ZSWIM3: variants seen among roughly 807,000 people sequenced by gnomAD.
ZSWIM3 encodes the protein zinc finger SWIM-type containing 3, also known as zinc finger SWIM domain-containing protein 3.
A neutral mutation model predicts 47.5 loss-of-function variants in ZSWIM3; 27 were observed. The ratio of observed to expected loss-of-function variants is 0.57; its 90% CI spans 0.42 to 0.78. ZSWIM3 has a LOEUF of 0.78. Ranked by LOEUF, ZSWIM3 falls within the 30% of genes least tolerant of loss-of-function variation. The pLI is 0.00. For synonymous variants in ZSWIM3, 333 were observed against 333.9 expected (o/e 1.00, Z 0.03); for missense variants, 689 against 861.3 (o/e 0.80, Z 2.50).
intron 1 of ZSWIM3, among the ~76,000 whole-genome samples, chr20:45,874,310 G>A (rs1308438214): frequency 1.3e-5 from 2 of 152,142 alleles, no homozygotes; most frequent in Non-Finnish European, 2.9e-5. Flanking sequence ...TCAGGGGTTC[G>A]AGACCAGCCT....
At position 45,861,426 on chromosome 20, in the gene ZSWIM3, TAA is replaced by T. The variant is rs11475720; in HGVS notation, c.155+3461_155+3462del. 8.6e-3 allele frequency among the ~76,000 whole-genome samples: 1,157 copies of T among 134,668 alleles called. 4 individuals are homozygous for T. Among genetic ancestry groups the T allele is most frequent in the African/African-American group, 0.023 (802 of 35,146 alleles). 88.3% of individuals were successfully genotyped at this position (134,668 alleles called of 152,430 possible). A position where few individuals can be genotyped will look rare whatever the true frequency, so the allele number is the denominator to read the frequency against. On this transcript the variant is annotated intron_variant, in intron 1 of 1. Coordinates refer to ENST00000255152, the MANE Select transcript of ZSWIM3 (RefSeq NM_080752.4). The stretch of plus-strand genomic sequence containing the variant: ...CAACAACAGAGTAAGATCCTGTCTC[TAA>T]AAAAAAAAAAAAAAGCAAGCAGTGA...
intron 1 of ZSWIM3, among the ~76,000 whole-genome samples, chr20:45,860,534 AAG>A (rs1245532503): frequency 1.5e-5 from 2 of 133,708 alleles, no homozygotes; most frequent in African/African-American, 2.5e-5. Flanking sequence ...AAAAAAAAAA[AAG>A]AATCCTTTTC....
intron 1 of ZSWIM3, among the ~76,000 whole-genome samples, chr20:45,876,146 G>A (rs1303723802): frequency 2.0e-5 from 3 of 151,318 alleles, no homozygotes; most frequent in Admixed American, 6.6e-5. Flanking sequence ...GGGTTCAAGC[G>A]ATTCTCCTGC....
At chr20:45,864,676 G>A (rs139905528) in intron 1 of ZSWIM3, among the ~76,000 whole-genome samples, 2,124 of 149,750 alleles carry the variant, frequency 0.014, 38 homozygotes, top group African/African-American at 0.049. Context: ...CAGCCTGCCC[G>A]ACATGGTGAA....
At chr20:45,867,154 C>A (rs564101411) in intron 1 of ZSWIM3, among the ~76,000 whole-genome samples, 191 of 151,902 alleles carry the variant, frequency 1.3e-3, no homozygotes, top group Middle Eastern at 6.8e-3. Flanking sequence ...TTACAGGTGC[C>A]CGTCACCACG....
intron 1 of ZSWIM3, among the ~76,000 whole-genome samples, chr20:45,865,761 G>C (rs910560133): frequency 8.5e-5 from 13 of 152,064 alleles, no homozygotes; most frequent in Middle Eastern, 3.4e-3. Flanking sequence ...ACTTTGAGAG[G>C]CCGAGGCGGG....
chr20:45,859,423 GAAAAAAA>G (rs74176827), intron 1 of ZSWIM3, among the ~76,000 whole-genome samples: 6 of 56,698 alleles, frequency 1.1e-4, no homozygotes, highest in African/African-American at 2.8e-4. Context: ...AAGGAATGTG[GAAAAAAA>G]AAAAAAAAAA....
chr20:45,857,892 G>A lies in ZSWIM3; in HGVS notation c.67G>A (p.Glu23Lys). ...GGAGTGCTTCAGCGCCTACAAAAGG[G>A]AGAACAGGTGCTCCTTCATTCTCAG... ...FKECFSAYKR[E>K]NRCSFILRDC... The change falls in exon 1 of 2, where the codon GAG becomes AAG. Residue 23 changes from glutamate (E) to lysine (K), a missense_variant. By Grantham distance (56) the Glu-to-Lys change is moderately conservative. Coordinates refer to ENST00000255152, the MANE Select transcript of ZSWIM3 (RefSeq NM_080752.4). 6.2e-7 allele frequency: 1 copy of A among 1,612,760 alleles called. No individual in the cohort carries two copies. Among genetic ancestry groups the A allele is most frequent in the Non-Finnish European group, 8.5e-7 (1 of 1,179,652 alleles).
chr20:45,865,167 A>G (rs1483190455), intron 1 of ZSWIM3, among the ~76,000 whole-genome samples: 3 of 152,032 alleles, frequency 2.0e-5, no homozygotes, highest in African/African-American at 7.2e-5. Flanking sequence ...AAAAATACAA[A>G]GAATAGCTGG....
intron 1 of ZSWIM3, among the ~76,000 whole-genome samples, chr20:45,864,074 C>G (rs1438446607): frequency 6.6e-6 from 1 of 152,198 alleles, no homozygotes; most frequent in Non-Finnish European, 1.5e-5. Flanking sequence ...TACTTAGCCA[C>G]TGGGCTCTAA....
In ZSWIM3 at chr20:45,878,280, G is replaced by T. The variant is rs373046431; in HGVS notation, c.1722G>T (p.Pro574=). The stretch of plus-strand genomic sequence containing the variant: ...CTCTGCTGCACACCAGCCAGCAGCC[G>T]GTTGGTGAAGCCATGGTGTGCCGCC... ...ILALLHTSQQ[P]VGEAMVCRRW... Residue 574 remains proline, a synonymous_variant, in exon 2 of 2, where the codon CCG becomes CCT. Transcript: ENST00000255152. The T allele has an allele frequency of 1.2e-5, 19 of 1,614,090 alleles. No individual in the cohort carries two copies. In the Admixed American group the frequency reaches 3.2e-4, roughly 27 times the overall value.
At chr20:45,875,225 G>C (rs1986064004) in intron 1 of ZSWIM3, among the ~76,000 whole-genome samples, 1 of 151,196 alleles carries the variant, frequency 6.6e-6, no homozygotes, top group South Asian at 2.1e-4. Flanking sequence ...TGTATTTTTA[G>C]TAGAGACGGG....
intron 1 of ZSWIM3, among the ~76,000 whole-genome samples, chr20:45,866,015 GA>G (rs919086513): frequency 2.2e-4 from 30 of 137,954 alleles, no homozygotes; most frequent in Admixed American, 1.2e-3. Flanking sequence ...AAAAGAAAAA[GA>G]AAAAAAAAAT....
intron 1 of ZSWIM3, chr20:45,872,662 T>C: frequency 8.1e-7 from 1 of 1,239,304 alleles, no homozygotes; most frequent in Non-Finnish European, 1.0e-6. Flanking sequence ...AGGCATTTTG[T>C]CTTTCTAGGA....
At chr20:45,864,415 G>C (rs1985785203) in intron 1 of ZSWIM3, among the ~76,000 whole-genome samples, 1 of 152,148 alleles carries the variant, frequency 6.6e-6, no homozygotes, top group African/African-American at 2.4e-5. Flanking sequence ...TGGAGGGTTG[G>C]TGGGGGAAAT....
chr20:45,866,662 C>T (rs1453359755), intron 1 of ZSWIM3, among the ~76,000 whole-genome samples: 1 of 151,804 alleles, frequency 6.6e-6, no homozygotes, highest in Non-Finnish European at 1.5e-5. Flanking sequence ...ATTAACTGGT[C>T]GTGGTGACAT....
chr20:45,869,589 A>G (rs901721918), intron 1 of ZSWIM3, among the ~76,000 whole-genome samples: 2 of 152,054 alleles, frequency 1.3e-5, no homozygotes, highest in Admixed American at 6.5e-5. Flanking sequence ...CTGACTCAAA[A>G]TGGCTTATTG....
In ZSWIM3 at chr20:45,877,021, G is replaced by A. The variant is rs1341310561; in HGVS notation, c.463G>A (p.Val155Ile). Residue 155 changes from valine to isoleucine, a missense_variant, in exon 2 of 2, where the codon GTA (valine) becomes ATA (isoleucine). Physicochemically the swap from Val to Ile is conservative, Grantham distance 29 (BLOSUM62 3). Transcript: ENST00000255152. ...LVEPSFCLDK[V>I]QVSSKPEQEG... The stretch of plus-strand genomic sequence containing the variant: ...TGAGCCATCGTTTTGCCTAGATAAG[G>A]TACAAGTGTCCTCAAAGCCAGAGCA... 2 of 1,614,168 alleles carry A rather than the reference G, an allele frequency of 1.2e-6. No individual in the cohort carries two copies. The highest frequency in any genetic ancestry group is 1.3e-5 in the African/African-American group (1 of 75,036).
intron 1 of ZSWIM3, among the ~76,000 whole-genome samples, chr20:45,862,020 C>T (rs1985720126): frequency 6.6e-6 from 1 of 151,966 alleles, no homozygotes; most frequent in Non-Finnish European, 1.5e-5. Context: ...CACAGCGAGA[C>T]TCTGTCTCAA....
Sources: allele counts gnomAD v4.1 joint callset (sites outside exome capture counted in the v4.1 genomes callset), GRCh38; gene constraint gnomAD v4.1.1; transcripts MANE v1.5; gene names NCBI Gene and HGNC (gene_info 2026-07-23, HGNC 2026-07-21).